The following PDE4D variants were observed in gnomAD, a reference collection of about 807,000 sequenced individuals.
The protein encoded by PDE4D is phosphodiesterase 4D, also known as 3',5'-cyclic-AMP phosphodiesterase 4D.
PDE4D carries 24 observed loss-of-function variants against 87.4 expected under a neutral mutation model. The ratio of observed to expected loss-of-function variants is 0.27; its 90% CI spans 0.20 to 0.39. The LOEUF is 0.39. Among genes scored for constraint, PDE4D ranks in the 10% least tolerant of loss-of-function variants. The pLI is 1.00. For synonymous variants in PDE4D, 384 were observed against 383.2 expected, an observed-to-expected ratio of 1.00 and a Z score of -0.02; for missense variants, 714 against 1,041.0, an observed-to-expected ratio of 0.69 and a Z score of 4.32.
intron 1 of PDE4D, among the ~76,000 whole-genome samples, chr5:59,532,385 G>C (rs1814403113): frequency 1.3e-5 from 2 of 152,084 alleles, no homozygotes; most frequent in Non-Finnish European, 2.9e-5. Flanking sequence ...GGATCTGCCT[G>C]CCTCAGCCTC....
intron 5 of PDE4D, among the ~76,000 whole-genome samples, chr5:59,129,213 A>C (rs1775932269): frequency 6.6e-6 from 1 of 152,212 alleles, no homozygotes; most frequent in African/African-American, 2.4e-5. Context: ...AAAGGTTATT[A>C]AGTAGAATGG....
Position 59,885,035 on chromosome 5 carries a change from AT to A in PDE4D, c.455+8132del, listed in dbSNP as rs35025969. Among the ~76,000 whole-genome samples the A allele has an allele frequency of 2.6e-5, 4 of 151,764 alleles. No homozygotes were observed. In the East Asian group the frequency reaches 5.8e-4, roughly 22 times the overall value. On this transcript the variant is annotated intron_variant, in intron 1 of 14. Transcript: ENST00000340635. ...TTATAGTATGAATGAAGTAATGATC[AT>A]TTTTTATTTCCATAAACCATTAAAC...
intron 1 of PDE4D, among the ~76,000 whole-genome samples, chr5:59,765,466 A>T (rs1276209734): frequency 6.6e-6 from 1 of 152,238 alleles, no homozygotes; most frequent in African/African-American, 2.4e-5. Flanking sequence ...ATTAGCCACC[A>T]GCACTTTACC....
chr5:60,174,074 T>A (rs950172032), intron 2 of PDE4D, among the ~76,000 whole-genome samples: 11 of 152,164 alleles, frequency 7.2e-5, no homozygotes, highest in Non-Finnish European at 1.3e-4. Context: ...TGGGAAATGT[T>A]GTGTAGATGT....
chr5:59,722,584 T>C (rs1390991356), intron 1 of PDE4D, among the ~76,000 whole-genome samples: 3 of 152,154 alleles, frequency 2.0e-5, no homozygotes, highest in Non-Finnish European at 4.4e-5. Context: ...TAAAAATTGT[T>C]TTAGGTGCTG....
chr5:60,176,052 G>A (rs1783875452), intron 2 of PDE4D, among the ~76,000 whole-genome samples: 1 of 152,144 alleles, frequency 6.6e-6, no homozygotes, highest in Admixed American at 6.5e-5. Context: ...GAAGGTGGCT[G>A]CTGTTCTCCC....
At chr5:59,297,035 G>A (rs1769238745) in intron 1 of PDE4D, among the ~76,000 whole-genome samples, 1 of 152,096 alleles carries the variant, frequency 6.6e-6, no homozygotes, top group Admixed American at 6.6e-5. Context: ...GTATAAATAG[G>A]TGACTTAACC....
At chr5:59,237,045 C>T (rs1291650233) in intron 1 of PDE4D, among the ~76,000 whole-genome samples, 9 of 152,110 alleles carry the variant, frequency 5.9e-5, no homozygotes, top group Admixed American at 5.9e-4. Context: ...ATACTGTTCT[C>T]ACTCTCTGGA....
Position 59,980,737 on chromosome 5 carries a change from G to A in PDE4D, c.272+7751C>T, listed in dbSNP as rs16890410. Reference sequence around the variant, plus strand: ...ACTGTGATAACCTGAAAAAGACACTGGAGTTTAATCATGATCATATTATTT... The same window carrying A: ...ACTGTGATAACCTGAAAAAGACACTAGAGTTTAATCATGATCATATTATTT... On this transcript the variant is annotated intron_variant, in intron 3 of 16. Transcript: ENST00000502484. Among the ~76,000 whole-genome samples the A allele has an allele frequency of 8.2e-3, 1,244 of 152,266 alleles. 16 individuals carry two copies. The highest frequency in any genetic ancestry group is 0.028 in the African/African-American group (1,183 of 41,538).
intron 1 of PDE4D, among the ~76,000 whole-genome samples, chr5:59,551,812 G>A (rs1818168955): frequency 6.6e-6 from 1 of 152,082 alleles, no homozygotes; most frequent in African/African-American, 2.4e-5. Context: ...CATTAGTTAA[G>A]ACATTTTTGT....
chr5:59,383,367 T>C (rs942618138), intron 1 of PDE4D, among the ~76,000 whole-genome samples: 1 of 152,092 alleles, frequency 6.6e-6, no homozygotes, highest in Non-Finnish European at 1.5e-5. Context: ...CCCTGCCCAT[T>C]TGCCCACGAA....
intron 5 of PDE4D, among the ~76,000 whole-genome samples, chr5:59,051,013 A>T (rs11951378): frequency 0.039 from 5,969 of 152,298 alleles, 416 homozygotes; most frequent in African/African-American, 0.14. Context: ...TTTTTCCATC[A>T]TCACCATCAA....
intron 2 of PDE4D, among the ~76,000 whole-genome samples, chr5:60,010,431 T>C (rs145826352): frequency 1.3e-5 from 2 of 152,272 alleles, no homozygotes; most frequent in East Asian, 3.9e-4. Flanking sequence ...ACCATGGACA[T>C]TTTGTGGATT....
intron 1 of PDE4D, among the ~76,000 whole-genome samples, chr5:59,409,546 C>G (rs562683503): frequency 1.3e-5 from 2 of 152,048 alleles, no homozygotes; most frequent in Non-Finnish European, 2.9e-5. Flanking sequence ...TCTCTGAGAT[C>G]TAGTTGTTTA....
In PDE4D at chr5:60,467,023, TTTTTA is replaced by T. The variant is rs151080999; in HGVS notation, c.-90+20914_-90+20918del. ...GATCTGCACTGGAATTTTAAATATT[TTTTTA>T]TTTTATTTTATTTTATTTTATTTAT... On this transcript the variant is annotated intron_variant, in intron 1 of 16. Coordinates refer to the PDE4D transcript ENST00000502484. Among the ~76,000 whole-genome samples, 558 of 151,928 alleles carry T rather than the reference TTTTTA, an allele frequency of 3.7e-3. 2 individuals are homozygous for T. Among genetic ancestry groups the T allele is most frequent in the African/African-American group, 0.013 (528 of 41,460 alleles).
At chr5:60,262,075 C>A (rs1442959285) in intron 1 of PDE4D, among the ~76,000 whole-genome samples, 1 of 152,078 alleles carries the variant, frequency 6.6e-6, no homozygotes, top group Admixed American at 6.6e-5. Context: ...AGATTATAAG[C>A]AAGCTAAAGT....
rs73101122 is a variant in PDE4D at position 59,679,146 on chromosome 5, C to T, written c.455+214022G>A. Among the ~76,000 whole-genome samples the T allele has an allele frequency of 5.1e-3, 770 of 152,202 alleles. 3 individuals are homozygous for T. Among genetic ancestry groups the T allele is most frequent in the African/African-American group, 0.018 (735 of 41,538 alleles). On this transcript the variant is annotated intron_variant, in intron 1 of 14. Transcript: ENST00000340635. ...TAACTCATGATATGTATTACACAAT[C>T]GGCCTCTCATAATAACTCAATCCTT...
At chr5:60,027,297 G>C (rs547506301) in intron 2 of PDE4D, among the ~76,000 whole-genome samples, 1 of 152,148 alleles carries the variant, frequency 6.6e-6, no homozygotes, top group Admixed American at 6.5e-5. Flanking sequence ...CCAGGGTTTA[G>C]CTCCCATTAT....
intron 1 of PDE4D, among the ~76,000 whole-genome samples, chr5:59,400,044 C>T (rs1790283180): frequency 8.6e-6 from 1 of 116,882 alleles, no homozygotes; most frequent in Non-Finnish European, 1.8e-5. Flanking sequence ...TACCATCTCA[C>T]ACCAGGTAGA....
Sources: gnomAD v4.1 joint callset for allele counts (sites outside exome capture counted in the v4.1 genomes callset) on GRCh38, gnomAD v4.1.1 for gene constraint, MANE v1.5 for transcripts, NCBI Gene and HGNC (gene_info 2026-07-23, HGNC 2026-07-21) for gene names.